The following VGLL4 variants were observed in gnomAD, a reference collection of about 807,000 sequenced individuals.
The protein encoded by VGLL4 is vestigial like family member 4, also known as transcription cofactor vestigial-like protein 4.
Under a neutral mutation model 21.0 loss-of-function variants are expected in VGLL4, and 7 were observed. That is an observed-to-expected ratio of 0.33 (90% CI 0.19 to 0.63). VGLL4 has a LOEUF of 0.63. Ranked by LOEUF, VGLL4 falls within the 20% of genes least tolerant of loss-of-function variation. The probability of loss-of-function intolerance (pLI) is 0.78; values close to 1 mark genes in which losing one functional copy is unlikely to be tolerated. For missense variants in VGLL4, 394 were observed against 425.7 expected (o/e 0.93, Z 0.66); for synonymous variants, 222 against 173.2 (o/e 1.28, Z -2.21).
intron 1 of VGLL4, among the ~76,000 whole-genome samples, chr3:11,715,105 A>G (rs1349364675): frequency 2.6e-5 from 4 of 151,064 alleles, no homozygotes; most frequent in Admixed American, 2.6e-4. Flanking sequence ...GCTGCACTCC[A>G]GCCTGGGTGA....
chr3:11,671,436 T>C, intron 2 of VGLL4: 1 of 768,372 alleles, frequency 1.3e-6, no homozygotes, highest in Admixed American at 1.8e-5. Flanking sequence ...GAAAACACAG[T>C]TGTCCCTCAG....
intron 1 of VGLL4, among the ~76,000 whole-genome samples, chr3:11,642,188 C>T (rs558229141): frequency 6.6e-5 from 10 of 152,210 alleles, no homozygotes; most frequent in Admixed American, 2.6e-4. Context: ...GAAAGAAATT[C>T]ACGAAAATTC....
In VGLL4 at chr3:11,719,632, A is replaced by T. The variant is rs2076966183; in HGVS notation, c.-14+762T>A. On this transcript the variant is annotated intron_variant, in intron 1 of 5. Coordinates refer to the VGLL4 transcript ENST00000273038. The surrounding 1 kb of genome is among the most constrained non-coding windows in gnomAD (Gnocchi z 4.0). ...CGGACGGGAGCGCGGGAGCGCGAGG[A>T]ATCCCTGGAATGAGGCACCGGCCAA... 1 of 152,178 alleles carries T rather than the reference A, an allele frequency of 6.6e-6. No homozygotes were observed. Among genetic ancestry groups the T allele is most frequent in the Non-Finnish European group, 1.5e-5 (1 of 68,186 alleles). The allele number at this position is 152,178 out of a possible 1,614,324, so 9.4% of individuals were successfully genotyped here.
At chr3:11,560,354 C>T (rs2072873108) in intron 3 of VGLL4, among the ~76,000 whole-genome samples, 1 of 152,196 alleles carries the variant, frequency 6.6e-6, no homozygotes, top group Non-Finnish European at 1.5e-5. Flanking sequence ...TCCAATACCC[C>T]CGAGGACAAG....
chr3:11,664,283 A>C (rs1462516953), intron 2 of VGLL4, among the ~76,000 whole-genome samples: 2 of 152,116 alleles, frequency 1.3e-5, no homozygotes, highest in Non-Finnish European at 2.9e-5. Context: ...ATAGAACAGA[A>C]GCTGGACACA....
intron 1 of VGLL4, among the ~76,000 whole-genome samples, chr3:11,614,069 GGC>G (rs1395837763): frequency 6.6e-6 from 1 of 152,226 alleles, no homozygotes; most frequent in Non-Finnish European, 1.5e-5. Context: ...CCCACACACA[GGC>G]TCAGAGCGAT....
chr3:11,573,291 GAAAGA>G lies in VGLL4; in HGVS notation c.273-8277_273-8273del, dbSNP rs2073883489. On this transcript the variant is annotated intron_variant, in intron 2 of 4. Coordinates refer to ENST00000430365, the MANE Select transcript of VGLL4 (RefSeq NM_001128219.3). ...AGAAAGAAAGAAAGAAAGAAAGAAA[GAAAGA>G]AAGAAAGAAAGGAAGGAAGGAAGAA... Among the ~76,000 whole-genome samples, 19 of 10,924 alleles carry G rather than the reference GAAAGA, an allele frequency of 1.7e-3. 2 individuals carry two copies. The highest frequency in any genetic ancestry group is 8.9e-3 in the Admixed American group (7 of 784). 7.2% of individuals were successfully genotyped at this position (10,924 alleles called of 152,430 possible).
intron 2 of VGLL4, among the ~76,000 whole-genome samples, chr3:11,685,845 C>T (rs1228232182): frequency 6.6e-6 from 1 of 151,942 alleles, no homozygotes; most frequent in Admixed American, 6.6e-5. Flanking sequence ...GAGCGAGACT[C>T]CATCTCAAAA....
intron 1 of VGLL4, 113 bp downstream of exon 1, chr3:11,643,324 G>A (rs916308849): frequency 3.9e-6 from 6 of 1,522,678 alleles, no homozygotes. Flanking sequence ...GGCCTTTCAA[G>A]TGCCCTACAC....
intron 2 of VGLL4, among the ~76,000 whole-genome samples, chr3:11,567,256 A>C (rs1168603918): frequency 6.6e-6 from 1 of 152,146 alleles, no homozygotes; most frequent in Non-Finnish European, 1.5e-5. Flanking sequence ...CAGCACACAA[A>C]CAAAAACAAT....
At chr3:11,717,052 G>A (rs1207180745) in intron 1 of VGLL4, among the ~76,000 whole-genome samples, 1 of 151,974 alleles carries the variant, frequency 6.6e-6, no homozygotes, top group African/African-American at 2.4e-5. Context: ...AGACACATTG[G>A]TATGTTAAAA....
chr3:11,598,016 C>A lies in VGLL4; in HGVS notation c.272+3817G>T, dbSNP rs909651680. 1.7e-4 allele frequency among the ~76,000 whole-genome samples: 21 copies of A among 122,654 alleles called. No individual in the cohort carries two copies. In the South Asian group the frequency reaches 4.4e-3, roughly 26 times the overall value. The allele number at this position is 122,654 out of a possible 152,430, so 80.5% of individuals were successfully genotyped here. On this transcript the variant is annotated intron_variant, in intron 2 of 4. Coordinates refer to ENST00000430365, the MANE Select transcript of VGLL4 (RefSeq NM_001128219.3). ...TAAATCAAACTGGATAGAACTCAGT[C>A]TTACTCTCTGTTGCCTTTTTTTTTT...
At chr3:11,671,450 T>G (rs1238628422) in intron 2 of VGLL4, 1 of 736,272 alleles carries the variant, frequency 1.4e-6, no homozygotes, top group Non-Finnish European at 2.5e-6. Flanking sequence ...CCCTCAGTAT[T>G]CGCCGGGGAT....
intron 2 of VGLL4, among the ~76,000 whole-genome samples, chr3:11,600,321 A>C (rs1575437155): frequency 1.3e-5 from 2 of 151,808 alleles, no homozygotes; most frequent in Admixed American, 6.6e-5. Flanking sequence ...AAATTAAGGC[A>C]TGTTTGTCTG....
chr3:11,693,515 T>C (rs1244229134), intron 2 of VGLL4, among the ~76,000 whole-genome samples: 1 of 152,222 alleles, frequency 6.6e-6, no homozygotes, highest in East Asian at 1.9e-4. Flanking sequence ...CTCCCTTCTA[T>C]GTTGCCTCTG....
chr3:11,679,339 T>G (rs1239679180), intron 2 of VGLL4, among the ~76,000 whole-genome samples: 1 of 151,878 alleles, frequency 6.6e-6, no homozygotes, highest in African/African-American at 2.4e-5. Flanking sequence ...TGCCTGAGTT[T>G]TTAACAAAAA....
At chr3:11,700,355 AAG>A (rs886927839) in intron 2 of VGLL4, among the ~76,000 whole-genome samples, 2 of 152,200 alleles carry the variant, frequency 1.3e-5, no homozygotes, top group African/African-American at 2.4e-5. Flanking sequence ...GGCATTGTAA[AAG>A]AGAGAAATTC....
intron 2 of VGLL4, among the ~76,000 whole-genome samples, chr3:11,567,185 T>C (rs547812847): frequency 1.5e-4 from 23 of 152,140 alleles, no homozygotes; most frequent in African/African-American, 5.5e-4. Flanking sequence ...AGCCTCGGCG[T>C]CCCCATGTAA....
At chr3:11,575,182 A>G (rs77503520) in intron 2 of VGLL4, among the ~76,000 whole-genome samples, 1 of 152,270 alleles carries the variant, frequency 6.6e-6, no homozygotes, top group African/African-American at 2.4e-5. Flanking sequence ...CCTGCTGCCA[A>G]TGCCCGGAGG....
Sources: allele counts gnomAD v4.1 joint callset (sites outside exome capture counted in the v4.1 genomes callset), GRCh38; gene constraint gnomAD v4.1.1; non-coding constraint Gnocchi (gnomAD v3.1); transcripts MANE v1.5; gene names NCBI Gene and HGNC (gene_info 2026-07-23, HGNC 2026-07-21).